GARRE1: variants seen among roughly 807,000 people sequenced by gnomAD.
GARRE1 encodes granule associated Rac and RHOG effector protein 1.
Under a neutral mutation model 103.2 loss-of-function variants are expected in GARRE1, and 49 were observed. The observed-to-expected ratio is 0.47, with a 90% CI of 0.38 to 0.60. The LOEUF is 0.60. Among genes scored for constraint, GARRE1 ranks in the 20% least tolerant of loss-of-function variants. GARRE1 has a pLI of 0.00. For missense variants in GARRE1, 1,199 were observed against 1,370.5 expected (o/e 0.87, Z 1.98); for synonymous variants, 505 against 532.8 (o/e 0.95, Z 0.72).
At chr19:34,296,135 T>G (rs1215118954) in intron 1 of GARRE1, 2 of 337,582 alleles carry the variant, frequency 5.9e-6, no homozygotes, top group Non-Finnish European at 1.0e-5. Flanking sequence ...TTTGTTTTAG[T>G]CATCCTGGAT....
chr19:34,276,157 C>T (rs748263072), intron 1 of GARRE1, among the ~76,000 whole-genome samples: 1 of 152,126 alleles, frequency 6.6e-6, no homozygotes, highest in Non-Finnish European at 1.5e-5. Context: ...AGTTCTCCTG[C>T]CTCAGCTTCC....
At chr19:34,263,546 T>G (rs1045595678) in intron 1 of GARRE1, among the ~76,000 whole-genome samples, 2 of 151,670 alleles carry the variant, frequency 1.3e-5, no homozygotes, top group African/African-American at 4.8e-5. Context: ...GGTGCAATCT[T>G]GGCTCACTGC....
intron 13 of GARRE1, among the ~76,000 whole-genome samples, chr19:34,352,399 CAA>C (rs56046544): frequency 2.5e-4 from 22 of 88,386 alleles, no homozygotes; most frequent in Admixed American, 3.7e-4. Context: ...GACTGCATCT[CAA>C]AAAAAAAAAA....
chr19:34,313,634 A>G (rs2074046935), intron 2 of GARRE1, among the ~76,000 whole-genome samples: 1 of 152,168 alleles, frequency 6.6e-6, no homozygotes, highest in Non-Finnish European at 1.5e-5. Flanking sequence ...CAGTTTATCA[A>G]TAGTATTCTT....
chr19:34,296,916 G>GT (rs2073950832), intron 1 of GARRE1, among the ~76,000 whole-genome samples: 1 of 152,130 alleles, frequency 6.6e-6, no homozygotes, highest in East Asian at 1.9e-4. Flanking sequence ...AAGTACCTAG[G>GT]ACAGCAGGCA....
chr19:34,271,499 C>T (rs1266531245), intron 1 of GARRE1, among the ~76,000 whole-genome samples: 5 of 151,956 alleles, frequency 3.3e-5, no homozygotes, highest in African/African-American at 4.8e-5. Context: ...CCACCCGCCT[C>T]GGCCTTCCAG....
intron 8 of GARRE1, among the ~76,000 whole-genome samples, chr19:34,335,112 A>G (rs1412448266): frequency 6.6e-6 from 1 of 152,234 alleles, no homozygotes; most frequent in East Asian, 1.9e-4. Flanking sequence ...TAGAATAACA[A>G]TACTAAATAT....
At chr19:34,310,537 C>T (rs1214526425) in intron 2 of GARRE1, among the ~76,000 whole-genome samples, 1 of 152,220 alleles carries the variant, frequency 6.6e-6, no homozygotes, top group Non-Finnish European at 1.5e-5. Flanking sequence ...CCCTGAGCAC[C>T]CTTGCTCGCA....
intron 3 of GARRE1, among the ~76,000 whole-genome samples, chr19:34,323,540 T>G (rs1398266268): frequency 6.6e-6 from 1 of 152,200 alleles, no homozygotes; most frequent in Non-Finnish European, 1.5e-5. Flanking sequence ...TTCTTTCTGT[T>G]CATCAGAAAG....
chr19:34,255,640 A>G lies in GARRE1; in HGVS notation c.-796+1026A>G, dbSNP rs1433692135. 5.3e-5 allele frequency among the ~76,000 whole-genome samples: 8 copies of G among 151,354 alleles called. No individual in the cohort carries two copies. The Admixed American group carries it at 5.3e-4, about 10-fold the overall frequency. ...TAGTTTCCAATTTGTCACAAGATAA[A>G]CAATTCTGCCGGAAGGATTTGTTTG... is the stretch of plus-strand genomic sequence containing the variant. On this transcript the variant is annotated intron_variant, in intron 1 of 13. Coordinates refer to ENST00000299505, the MANE Select transcript of GARRE1 (RefSeq NM_014686.5).
At chr19:34,288,123 A>G (rs1482025035) in intron 1 of GARRE1, among the ~76,000 whole-genome samples, 1 of 152,084 alleles carries the variant, frequency 6.6e-6, no homozygotes, top group African/African-American at 2.4e-5. Flanking sequence ...TGTTGGACCA[A>G]CACTAGGTAC....
chr19:34,255,330 A>C (rs1251977840), intron 1 of GARRE1, among the ~76,000 whole-genome samples: 1 of 152,240 alleles, frequency 6.6e-6, no homozygotes, highest in Non-Finnish European at 1.5e-5. Context: ...AATTTTGTTT[A>C]GACTTTTTAG....
At chr19:34,291,187 TG>T (rs1441692595) in intron 1 of GARRE1, among the ~76,000 whole-genome samples, 3 of 151,888 alleles carry the variant, frequency 2.0e-5, no homozygotes, top group Admixed American at 6.6e-5. Context: ...GGATCACAGG[TG>T]TGAGCCACCG....
At chr19:34,336,143 A>G (rs991177326) in intron 8 of GARRE1, among the ~76,000 whole-genome samples, 3 of 152,082 alleles carry the variant, frequency 2.0e-5, no homozygotes, top group African/African-American at 7.2e-5. Context: ...GGCATGTGCC[A>G]TCATGCCTGG....
At chr19:34,272,108 CG>C (rs1437354071) in intron 1 of GARRE1, among the ~76,000 whole-genome samples, 1 of 152,124 alleles carries the variant, frequency 6.6e-6, no homozygotes. Context: ...GACAACAGGA[CG>C]GGGACCATCT....
intron 2 of GARRE1, among the ~76,000 whole-genome samples, chr19:34,313,307 C>T (rs1391323037): frequency 2.0e-5 from 3 of 152,176 alleles, no homozygotes; most frequent in Admixed American, 6.5e-5. Flanking sequence ...AATAGGAAGC[C>T]GCCCAGGAGT....
chr19:34,268,275 G>A (rs1339103891), intron 1 of GARRE1, among the ~76,000 whole-genome samples: 1 of 152,100 alleles, frequency 6.6e-6, no homozygotes, highest in East Asian at 1.9e-4. Context: ...AAACTTTTTC[G>A]GAAGTTTAGG....
intron 10 of GARRE1, among the ~76,000 whole-genome samples, chr19:34,345,142 G>C (rs1414115571): frequency 6.6e-6 from 1 of 151,860 alleles, no homozygotes; most frequent in Non-Finnish European, 1.5e-5. Context: ...CCATAGAGAT[G>C]GGGTTTTGCC....
At position 34,354,700 on chromosome 19, in the gene GARRE1, A is replaced by ATATATG. The variant is rs1555713012; in HGVS notation, c.*1748_*1749insATGTAT. The stretch of plus-strand genomic sequence containing the variant: ...AAGAAAAAAAAAAAAGAATATATAT[A>ATATATG]TATGTATGTATGTATGTATGTAAAC... On this transcript the variant is annotated 3_prime_UTR_variant, in exon 14 of 14. Transcript: ENST00000299505. 2,205 of 152,306 alleles carry ATATATG rather than the reference A, an allele frequency of 0.014. 25 individuals carry two copies. Among genetic ancestry groups the ATATATG allele is most frequent in the South Asian group, 0.029 (141 of 4,800 alleles). 9.4% of individuals were successfully genotyped at this position (152,306 alleles called of 1,614,324 possible). A position where few individuals can be genotyped will look rare whatever the true frequency, so the allele number is the denominator to read the frequency against.
Sources: allele counts gnomAD v4.1 joint callset (sites outside exome capture counted in the v4.1 genomes callset), GRCh38; gene constraint gnomAD v4.1.1; transcripts MANE v1.5; gene names NCBI Gene and HGNC (gene_info 2026-07-23, HGNC 2026-07-21).